Variants in NAALADL2 observed in about 807,000 individuals in gnomAD.
NAALADL2 encodes N-acetylated alpha-linked acidic dipeptidase like 2.
NAALADL2 carries 76 observed loss-of-function variants against 87.2 expected under a neutral mutation model. The observed-to-expected ratio is 0.87, with a 90% CI of 0.72 to 1.05. The LOEUF is 1.05. Ranked by LOEUF, NAALADL2 falls within the 50% of genes least tolerant of loss-of-function variation. NAALADL2 has a pLI of 0.00. For missense variants in NAALADL2, 1,089 were observed against 945.8 expected (o/e 1.15, Z -1.99); for synonymous variants, 354 against 331.0 (o/e 1.07, Z -0.75).
chr3:175,734,098 G>A (rs1049302226), intron 11 of NAALADL2, among the ~76,000 whole-genome samples: 49 of 152,152 alleles, frequency 3.2e-4, no homozygotes, highest in African/African-American at 1.1e-3. Flanking sequence ...GGACGGTGGC[G>A]TGGCCCTCTT....
At chr3:175,267,859 TG>T (rs1175304538) in intron 4 of NAALADL2, among the ~76,000 whole-genome samples, 4 of 152,178 alleles carry the variant, frequency 2.6e-5, no homozygotes, top group Non-Finnish European at 5.9e-5. Context: ...TGTAAGTCAG[TG>T]GTCAAACTTT....
At position 175,295,489 on chromosome 3, in the gene NAALADL2, C is replaced by T. The variant is rs941101684; in HGVS notation, c.940-28686C>T. ...AAGTCACCCTTGATTTCTCAGACTT[C>T]CTGCATGCCCTCGTACAAAAAAATT... On this transcript the variant is annotated intron_variant, in intron 4 of 13. Transcript: ENST00000454872. Among the ~76,000 whole-genome samples, 5 of 152,072 alleles carry T rather than the reference C, an allele frequency of 3.3e-5. No homozygotes were observed. The South Asian group carries it at 1.0e-3, about 32-fold the overall frequency.
intron 1 of NAALADL2, among the ~76,000 whole-genome samples, chr3:175,036,509 C>T (rs1278919169): frequency 6.6e-6 from 1 of 151,942 alleles, no homozygotes; most frequent in Admixed American, 6.6e-5. Flanking sequence ...ACACTATTCT[C>T]CTGCCTCAGC....
chr3:175,509,134 A>G (rs1730779645), intron 9 of NAALADL2, among the ~76,000 whole-genome samples: 4 of 151,904 alleles, frequency 2.6e-5, no homozygotes, highest in South Asian at 4.1e-4. Context: ...AAAAAGAAAA[A>G]AAAAGAATAG....
rs1375685918 is a variant in NAALADL2 at position 175,755,202 on chromosome 3, C to T, written c.1991-18C>T. The T allele has an allele frequency of 1.3e-6, 2 of 1,597,306 alleles. No homozygotes were observed. Among genetic ancestry groups the T allele is most frequent in the Non-Finnish European group, 1.7e-6 (2 of 1,172,832 alleles). ...TTGAGAATGTCTCTTCTGAGATGGG[C>T]TCATTTATCTTCACCAGGTGATCAA... On this transcript the variant is annotated intron_variant, in intron 12 of 13. Coordinates refer to ENST00000454872, the MANE Select transcript of NAALADL2 (RefSeq NM_207015.3).
intron 1 of NAALADL2, among the ~76,000 whole-genome samples, chr3:175,043,457 T>G (rs1321531845): frequency 6.6e-6 from 1 of 152,160 alleles, no homozygotes; most frequent in African/African-American, 2.4e-5. Flanking sequence ...CAGGCTGGCC[T>G]CGAACTCCTG....
chr3:175,119,196 G>A (rs1725748317), intron 2 of NAALADL2, among the ~76,000 whole-genome samples: 1 of 151,232 alleles, frequency 6.6e-6, no homozygotes, highest in Non-Finnish European at 1.5e-5. Flanking sequence ...GCAGGGATGA[G>A]AAATAATAAA....
intron 9 of NAALADL2, among the ~76,000 whole-genome samples, chr3:175,538,678 A>G (rs920933587): frequency 1.3e-5 from 2 of 152,202 alleles, no homozygotes; most frequent in East Asian, 1.9e-4. Flanking sequence ...TTTAATTTGA[A>G]AAATCCAAGA....
At chr3:175,705,315 G>A (rs930932714) in intron 11 of NAALADL2, among the ~76,000 whole-genome samples, 5 of 152,080 alleles carry the variant, frequency 3.3e-5, no homozygotes, top group Admixed American at 6.6e-5. Flanking sequence ...AAAACCCATC[G>A]TGCTTGCTTT....
At chr3:174,826,267 C>G (rs192986256) in intron 3 of NAALADL2, among the ~76,000 whole-genome samples, 74 of 152,250 alleles carry the variant, frequency 4.9e-4, no homozygotes, top group Admixed American at 9.2e-4. Context: ...ATATTCAGCA[C>G]CTAGGACAGG....
Position 175,101,721 on chromosome 3 carries a change from G to A in NAALADL2, c.545+4430G>A, listed in dbSNP as rs193298553. On this transcript the variant is annotated intron_variant, in intron 2 of 13. Transcript: ENST00000454872. ...ATAATATTGTAATAATAAGATATTT[G>A]AATGGATAAATTAATGAGGTTTAGT... Among the ~76,000 whole-genome samples the A allele has an allele frequency of 4.9e-3, 751 of 152,312 alleles. 4 individuals carry two copies. The highest frequency in any genetic ancestry group is 0.02 in the Middle Eastern group (6 of 294).
chr3:175,657,012 A>G (rs189894865), intron 11 of NAALADL2, among the ~76,000 whole-genome samples: 27 of 152,292 alleles, frequency 1.8e-4, no homozygotes, highest in Non-Finnish European at 2.9e-4. Flanking sequence ...TTGAAAAATG[A>G]GTGTAAGAAA....
chr3:175,004,345 C>A (rs932372540), intron 1 of NAALADL2, among the ~76,000 whole-genome samples: 1 of 134,688 alleles, frequency 7.4e-6, no homozygotes, highest in Non-Finnish European at 1.5e-5. Context: ...CGCCTCTACA[C>A]TCCAGCCTGG....
chr3:174,656,088 G>T (rs542578176), intron 2 of NAALADL2, among the ~76,000 whole-genome samples: 21 of 152,300 alleles, frequency 1.4e-4, no homozygotes, highest in African/African-American at 5.1e-4. Context: ...AAAAGTTATT[G>T]TACACACAGA....
chr3:174,867,320 C>G (rs537925520), intron 1 of NAALADL2, among the ~76,000 whole-genome samples: 1 of 152,054 alleles, frequency 6.6e-6, no homozygotes, highest in Non-Finnish European at 1.5e-5. Flanking sequence ...TGCTGAACTT[C>G]TTATATTATG....
chr3:174,565,783 C>T (rs1714183904), intron 2 of NAALADL2, among the ~76,000 whole-genome samples: 1 of 151,970 alleles, frequency 6.6e-6, no homozygotes, highest in Non-Finnish European at 1.5e-5. Context: ...TTTTGTATTT[C>T]TACCACCAAT....
intron 2 of NAALADL2, among the ~76,000 whole-genome samples, chr3:174,668,319 T>C (rs1726171283): frequency 6.6e-6 from 1 of 152,158 alleles, no homozygotes; most frequent in Non-Finnish European, 1.5e-5. Flanking sequence ...TGCCTTTCAC[T>C]CCCTTGATTA....
At chr3:175,439,387 A>T (rs113206572) in intron 5 of NAALADL2, among the ~76,000 whole-genome samples, 3 of 151,458 alleles carry the variant, frequency 2.0e-5, no homozygotes, top group African/African-American at 7.3e-5. Context: ...AAAATGGTAG[A>T]TATATTTTTA....
At chr3:174,704,668 A>G (rs968755101) in intron 2 of NAALADL2, among the ~76,000 whole-genome samples, 1 of 152,070 alleles carries the variant, frequency 6.6e-6, no homozygotes, top group Non-Finnish European at 1.5e-5. Context: ...ATACAGGCAG[A>G]TACATACCAT....
Sources: allele counts gnomAD v4.1 joint callset (sites outside exome capture counted in the v4.1 genomes callset), GRCh38; gene constraint gnomAD v4.1.1; transcripts MANE v1.5; gene names NCBI Gene and HGNC (gene_info 2026-07-23, HGNC 2026-07-21).